Variants in MBNL1 observed in about 807,000 individuals in gnomAD.
MBNL1 encodes muscleblind-like protein 1.
MBNL1 carries 8 observed loss-of-function variants against 42.2 expected under a neutral mutation model. The ratio of observed to expected loss-of-function variants is 0.19; its 90% confidence interval spans 0.11 to 0.34. The LOEUF is 0.34. MBNL1 is among the 10% of genes least tolerant of loss of function. The probability of loss-of-function intolerance (pLI) is 1.00; values close to 1 mark genes in which losing one functional copy is unlikely to be tolerated. For missense variants in MBNL1, 309 were observed against 495.3 expected (o/e 0.62, Z 3.57); for synonymous variants, 169 against 173.9 (o/e 0.97, Z 0.22).
chr3:152,306,082 A>G (rs1163743736), intron 2 of MBNL1, among the ~76,000 whole-genome samples: 1 of 152,214 alleles, frequency 6.6e-6, no homozygotes, highest in Non-Finnish European at 1.5e-5. Flanking sequence ...GGCCTTGGCC[A>G]TCTCTGACCA....
intron 2 of MBNL1, among the ~76,000 whole-genome samples, chr3:152,377,356 C>T (rs1457980063): frequency 6.6e-6 from 1 of 152,054 alleles, no homozygotes; most frequent in Admixed American, 6.6e-5. Context: ...ATATAGAAGT[C>T]GTGTAATAGC....
chr3:152,382,567 A>AT (rs2097222269), intron 2 of MBNL1, among the ~76,000 whole-genome samples: 1 of 152,190 alleles, frequency 6.6e-6, no homozygotes, highest in Non-Finnish European at 1.5e-5. Flanking sequence ...TCTTTTCATT[A>AT]TGATAGCACT....
At chr3:152,251,751 G>T (rs577432035) in intron 2 of MBNL1, among the ~76,000 whole-genome samples, 1 of 152,066 alleles carries the variant, frequency 6.6e-6, no homozygotes, top group South Asian at 2.1e-4. Context: ...AGGGTCTTAT[G>T]TCCCACATTG....
chr3:152,309,349 G>T (rs2065070787), intron 2 of MBNL1, among the ~76,000 whole-genome samples: 3 of 152,130 alleles, frequency 2.0e-5, no homozygotes, highest in Admixed American at 2.0e-4. Context: ...TTCTGAAGCT[G>T]TCTAGATTTA....
intron 2 of MBNL1, among the ~76,000 whole-genome samples, chr3:152,345,945 T>TTGG (rs2094166955): frequency 6.6e-6 from 1 of 152,016 alleles, no homozygotes; most frequent in African/African-American, 2.4e-5. Flanking sequence ...GGCTGGATTT[T>TTGG]TGTTTGTTTG....
chr3:152,423,929 C>G (rs1338206409), intron 3 of MBNL1, among the ~76,000 whole-genome samples: 1 of 152,146 alleles, frequency 6.6e-6, no homozygotes, highest in Non-Finnish European at 1.5e-5. Context: ...GAATGTATCT[C>G]AAAATAATAA....
intron 6 of MBNL1, among the ~76,000 whole-genome samples, chr3:152,453,254 C>A (rs1001396078): frequency 1.3e-5 from 2 of 152,004 alleles, no homozygotes; most frequent in Admixed American, 6.6e-5. Flanking sequence ...CATTACAATT[C>A]TTTTTCTCTC....
intron 2 of MBNL1, among the ~76,000 whole-genome samples, chr3:152,397,592 TTATC>T (rs2098026312): frequency 6.6e-6 from 1 of 152,222 alleles, no homozygotes; most frequent in Non-Finnish European, 1.5e-5. Context: ...CACATTTTCT[TTATC>T]TATGTTTTAA....
chr3:152,322,512 A>G (rs2077037306), intron 2 of MBNL1, among the ~76,000 whole-genome samples: 1 of 152,060 alleles, frequency 6.6e-6, no homozygotes, highest in South Asian at 2.1e-4. Flanking sequence ...TTTAACTTGA[A>G]TTATTCTAAT....
At chr3:152,320,050 T>C (rs2075452102) in intron 2 of MBNL1, among the ~76,000 whole-genome samples, 1 of 152,168 alleles carries the variant, frequency 6.6e-6, no homozygotes, top group Admixed American at 6.6e-5. Flanking sequence ...CACTAGTTTA[T>C]AAACTCCTTA....
chr3:152,435,370 G>T (rs1239408619), intron 4 of MBNL1, among the ~76,000 whole-genome samples: 1 of 152,066 alleles, frequency 6.6e-6, no homozygotes, highest in African/African-American at 2.4e-5. Flanking sequence ...CATTATTTCT[G>T]GGCTCTCTGT....
intron 5 of MBNL1, among the ~76,000 whole-genome samples, chr3:152,445,988 C>T (rs969617410): frequency 2.0e-5 from 3 of 152,076 alleles, no homozygotes; most frequent in African/African-American, 7.2e-5. Context: ...AATTGTTCAA[C>T]AAAATTGTTC....
rs1560623925 is a variant in MBNL1, at chr3:152,445,187, C to A, written c.550-95C>A. 5 of 1,029,614 alleles carry A rather than the reference C, an allele frequency of 4.9e-6. No homozygotes were observed. In the East Asian group the frequency reaches 9.6e-5, roughly 20 times the overall value. The allele number at this position is 1,029,614 out of a possible 1,614,324, so 63.8% of individuals were successfully genotyped here. A position where few individuals can be genotyped will look rare whatever the true frequency, so the allele number is the denominator to read the frequency against. Reference sequence around the variant, plus strand: ...AATCATTTTCCCTTTTCATCTATAGCCTTCTGTCACCAGTCTTGCACTTTA... The same window carrying A: ...AATCATTTTCCCTTTTCATCTATAGACTTCTGTCACCAGTCTTGCACTTTA... On this transcript the variant is annotated intron_variant, in intron 4 of 9. Transcript: ENST00000324210.
rs1257343488 is a variant in MBNL1 at position 152,463,222 on chromosome 3, T to C, written c.*856T>C. 2 of 150,060 alleles carry C rather than the reference T, an allele frequency of 1.3e-5. No individual in the cohort carries two copies. Among genetic ancestry groups the C allele is most frequent in the Non-Finnish European group, 3.0e-5 (2 of 67,482 alleles). The allele number at this position is 150,060 out of a possible 1,614,324, so 9.3% of individuals were successfully genotyped here. On this transcript the variant is annotated 3_prime_UTR_variant, in exon 10 of 10. Coordinates refer to ENST00000324210, the MANE Select transcript of MBNL1 (RefSeq NM_021038.5). ...TAACAATAGACAGCACAACACAAAC[T>C]CTCTCAATACAGATAAACTCACACA... is the stretch of plus-strand genomic sequence containing the variant.
At chr3:152,373,116 C>T (rs2096743537) in intron 2 of MBNL1, among the ~76,000 whole-genome samples, 1 of 152,118 alleles carries the variant, frequency 6.6e-6, no homozygotes, top group Non-Finnish European at 1.5e-5. Flanking sequence ...AAACCACCTA[C>T]TCAAGCCTCA....
intron 3 of MBNL1, among the ~76,000 whole-genome samples, chr3:152,425,223 ACAT>A (rs991265527): frequency 6.7e-6 from 1 of 150,180 alleles, no homozygotes; most frequent in African/African-American, 2.5e-5. Flanking sequence ...AAAAAAAAAA[ACAT>A]CAACAAGTGG....
At chr3:152,285,528 T>A (rs2051085866) in intron 1 of MBNL1, among the ~76,000 whole-genome samples, 1 of 152,078 alleles carries the variant, frequency 6.6e-6, no homozygotes, top group African/African-American at 2.4e-5. Flanking sequence ...TATGTCAACA[T>A]ATAAAATATT....
intron 7 of MBNL1, among the ~76,000 whole-genome samples, 188 bp downstream of exon 7, chr3:152,455,765 A>G (rs574904402): frequency 6.6e-6 from 1 of 152,362 alleles, no homozygotes; most frequent in East Asian, 1.9e-4. Flanking sequence ...TTTACACACA[A>G]CAGTTTCCTT....
At chr3:152,246,967 G>T (rs385685) in intron 2 of MBNL1, among the ~76,000 whole-genome samples, 1 of 151,860 alleles carries the variant, frequency 6.6e-6, no homozygotes, top group Admixed American at 6.6e-5. Flanking sequence ...ACAAATAAAC[G>T]TATATTATTT....
Sources: gnomAD v4.1 joint callset for allele counts (sites outside exome capture counted in the v4.1 genomes callset) on GRCh38, gnomAD v4.1.1 for gene constraint, MANE v1.5 for transcripts, NCBI Gene and HGNC (gene_info 2026-07-23, HGNC 2026-07-21) for gene names.